The following KLHL1 variants were observed in gnomAD, a reference collection of about 807,000 sequenced individuals.
KLHL1 encodes the protein kelch like family member 1.
KLHL1 carries 47 observed loss-of-function variants against 77.7 expected under a neutral mutation model. The ratio of observed to expected loss-of-function variants is 0.60; its 90% CI spans 0.48 to 0.77. The LOEUF (loss-of-function observed/expected upper bound fraction) is 0.77. KLHL1 is among the 30% of genes least tolerant of loss of function. The pLI is 0.00. For missense variants in KLHL1, 925 were observed against 910.8 expected, an observed-to-expected ratio of 1.02 and a Z score of -0.20; for synonymous variants, 360 against 325.2, an observed-to-expected ratio of 1.11 and a Z score of -1.15.
At chr13:69,845,148 A>T (rs1272294665) in intron 5 of KLHL1, among the ~76,000 whole-genome samples, 1 of 151,662 alleles carries the variant, frequency 6.6e-6, no homozygotes, top group African/African-American at 2.4e-5. Flanking sequence ...CTTTAAAATA[A>T]CCCAGGCCAA....
At chr13:69,828,400 A>G (rs777191625) in intron 6 of KLHL1, among the ~76,000 whole-genome samples, 3 of 150,302 alleles carry the variant, frequency 2.0e-5, no homozygotes, top group Non-Finnish European at 4.4e-5. Context: ...CAGTACCCAG[A>G]GAAACCATTT....
chr13:69,944,302 T>G (rs542667698), intron 3 of KLHL1, among the ~76,000 whole-genome samples: 93 of 152,340 alleles, frequency 6.1e-4, no homozygotes, highest in Middle Eastern at 6.8e-3. Flanking sequence ...TCACACACTT[T>G]GTCACAACTT....
chr13:69,825,125 CTTT>C (rs1878494201), intron 6 of KLHL1, among the ~76,000 whole-genome samples: 1 of 152,034 alleles, frequency 6.6e-6, no homozygotes, highest in African/African-American at 2.4e-5. Flanking sequence ...TTGTTTCTCA[CTTT>C]TTAATGTTTA....
At chr13:69,802,830 C>A (rs952652184) in intron 6 of KLHL1, 1 of 152,052 alleles carries the variant, frequency 6.6e-6, no homozygotes, top group African/African-American at 2.4e-5. Flanking sequence ...CTGAATAAAC[C>A]GCTTCCTTCT....
At position 70,107,954 on chromosome 13, in the gene KLHL1, G is replaced by A. The variant is rs1371518443; in HGVS notation, c.-255C>T. The A allele has an allele frequency of 1.1e-5, 5 of 458,270 alleles. No homozygotes were observed. The highest frequency in any genetic ancestry group is 6.0e-5 in the African/African-American group (3 of 50,062). The allele number at this position is 458,270 out of a possible 1,614,324, so 28.4% of individuals were successfully genotyped here. A position where few individuals can be genotyped will look rare whatever the true frequency, so the allele number is the denominator to read the frequency against. On this transcript the variant is annotated 5_prime_UTR_variant, in exon 1 of 11. Transcript: ENST00000377844. ...GGGACACCACCAGGCAGGAGCAGAG[G>A]CAGGACTGGGACGCCAAAAGCTGAG... is the stretch of plus-strand genomic sequence containing the variant.
intron 7 of KLHL1, among the ~76,000 whole-genome samples, chr13:69,787,731 A>G (rs1876634843): frequency 6.6e-6 from 1 of 152,118 alleles, no homozygotes; most frequent in Non-Finnish European, 1.5e-5. Flanking sequence ...GCAACCTACA[A>G]AATGGGAGAA....
At chr13:69,754,809 A>G (rs1874638139) in intron 7 of KLHL1, among the ~76,000 whole-genome samples, 1 of 151,940 alleles carries the variant, frequency 6.6e-6, no homozygotes, top group African/African-American at 2.4e-5. Context: ...ATCCTTTATC[A>G]TTTGGTGTAT....
At chr13:69,834,785 C>T (rs1004608360) in intron 6 of KLHL1, among the ~76,000 whole-genome samples, 1 of 152,022 alleles carries the variant, frequency 6.6e-6, no homozygotes, top group African/African-American at 2.4e-5. Flanking sequence ...GTAATTCATA[C>T]TTGTAGTTTT....
chr13:70,034,937 A>G (rs1886201644), intron 1 of KLHL1, among the ~76,000 whole-genome samples: 1 of 152,182 alleles, frequency 6.6e-6, no homozygotes, highest in Admixed American at 6.5e-5. Flanking sequence ...TAAAATGAAA[A>G]GAGTGTCCTT....
chr13:69,739,760 G>T (rs1249533486), intron 8 of KLHL1, among the ~76,000 whole-genome samples: 2 of 152,202 alleles, frequency 1.3e-5, no homozygotes, highest in African/African-American at 4.8e-5. Flanking sequence ...AGAAGCTGTT[G>T]CAGTTTTCTA....
intron 7 of KLHL1, among the ~76,000 whole-genome samples, chr13:69,794,484 AG>A (rs1212650952): frequency 6.6e-6 from 1 of 151,982 alleles, no homozygotes; most frequent in Admixed American, 6.6e-5. Flanking sequence ...GAGAGGAATT[AG>A]AAAGAAGAGC....
At chr13:69,722,633 C>T (rs1019630938) in intron 8 of KLHL1, among the ~76,000 whole-genome samples, 16 of 150,868 alleles carry the variant, frequency 1.1e-4, no homozygotes, top group African/African-American at 2.9e-4. Flanking sequence ...AAAGCTATTG[C>T]CAAAAAAATT....
At chr13:70,094,284 C>G (rs550966899) in intron 1 of KLHL1, among the ~76,000 whole-genome samples, 85 of 151,918 alleles carry the variant, frequency 5.6e-4, no homozygotes, top group African/African-American at 2.0e-3. Context: ...TAGGATCACA[C>G]CACTGCACTC....
intron 4 of KLHL1, among the ~76,000 whole-genome samples, chr13:69,918,950 T>TAA (rs929689740): frequency 1.3e-5 from 2 of 152,018 alleles, no homozygotes; most frequent in Non-Finnish European, 2.9e-5. Flanking sequence ...ACACAACCTG[T>TAA]GGTTAAACAT....
chr13:69,895,593 G>T (rs539314194), intron 4 of KLHL1, among the ~76,000 whole-genome samples: 5 of 152,316 alleles, frequency 3.3e-5, no homozygotes, highest in African/African-American at 1.2e-4. Flanking sequence ...GGTCAGAAGT[G>T]CAGGCAGAGT....
intron 1 of KLHL1, among the ~76,000 whole-genome samples, chr13:70,049,215 G>C (rs73516793): frequency 0.031 from 4,710 of 151,980 alleles, 163 homozygotes; most frequent in African/African-American, 0.082. Context: ...AAGTTTAGAT[G>C]AGTAAACATC....
In KLHL1 at chr13:70,107,188, G is replaced by A; in HGVS notation, c.497+15C>T. 6.3e-7 allele frequency: 1 copy of A among 1,575,494 alleles called. No individual in the cohort carries two copies. Among genetic ancestry groups the A allele is most frequent in the Non-Finnish European group, 8.6e-7 (1 of 1,159,790 alleles). ...ATTGAGAGATGCTTGGAAGCCCCGT[G>A]GGGACTTACTGTACCTGTGTCCACA... On this transcript the variant is annotated intron_variant, in intron 1 of 10. Transcript: ENST00000377844.
At chr13:69,949,232 T>A (rs753695051) in intron 3 of KLHL1, among the ~76,000 whole-genome samples, 2 of 151,916 alleles carry the variant, frequency 1.3e-5, no homozygotes, top group African/African-American at 2.4e-5. Context: ...ATGTCCTTTT[T>A]CTGTTCCAGG....
At chr13:69,994,935 C>T (rs1023462715) in intron 1 of KLHL1, among the ~76,000 whole-genome samples, 4 of 152,056 alleles carry the variant, frequency 2.6e-5, no homozygotes, top group South Asian at 2.1e-4. Flanking sequence ...AAGCTCTCTG[C>T]TAAGCAAACT....
Sources: gnomAD v4.1 joint callset for allele counts (sites outside exome capture counted in the v4.1 genomes callset) on GRCh38, gnomAD v4.1.1 for gene constraint, MANE v1.5 for transcripts, NCBI Gene and HGNC (gene_info 2026-07-23, HGNC 2026-07-21) for gene names.